Variants in TENM3 observed in about 807,000 individuals in gnomAD.
TENM3 encodes teneurin transmembrane protein 3.
In TENM3, 63 loss-of-function variants were observed where a neutral mutation model predicts 255.1. The observed-to-expected ratio is 0.25, with a 90% CI of 0.20 to 0.30. TENM3 has a LOEUF of 0.30. Among genes scored for constraint, TENM3 ranks in the 10% least tolerant of loss-of-function variants. The pLI, the probability that TENM3 is intolerant of heterozygous loss-of-function variation, is 1.00. For missense variants in TENM3, 2,929 were observed against 3,461.1 expected (o/e 0.85, Z 3.86); for synonymous variants, 1,306 against 1,322.3 (o/e 0.99, Z 0.27).
intron 3 of TENM3, among the ~76,000 whole-genome samples, chr4:182,352,977 G>C (rs766485329): frequency 3.3e-5 from 5 of 152,160 alleles, no homozygotes; most frequent in Admixed American, 6.5e-5. Flanking sequence ...AGACGGACTT[G>C]TAGCTCTTCC....
chr4:182,194,873 G>A (rs976904573), intron 1 of TENM3, among the ~76,000 whole-genome samples: 1 of 152,150 alleles, frequency 6.6e-6, no homozygotes. Flanking sequence ...GACCTTTAAA[G>A]GTTAGACTGG....
chr4:181,807,291 T>C, the TENM3 span, among the ~76,000 whole-genome samples: 5 of 152,212 alleles, frequency 3.3e-5, no homozygotes, highest in African/African-American at 1.2e-4. Flanking sequence ...AAACAAAAAT[T>C]AAAAAGAAAT....
At chr4:181,757,230 T>C in the TENM3 span, among the ~76,000 whole-genome samples, 7 of 152,310 alleles carry the variant, frequency 4.6e-5, no homozygotes, top group South Asian at 1.4e-3. Flanking sequence ...TAGCAGTAAA[T>C]GCCTTCACCA....
At chr4:182,372,574 T>C (rs957598068) in intron 3 of TENM3, among the ~76,000 whole-genome samples, 1 of 152,164 alleles carries the variant, frequency 6.6e-6, no homozygotes, top group Non-Finnish European at 1.5e-5. Context: ...GAGCTCAAGT[T>C]ATAAGAGTAA....
the TENM3 span, among the ~76,000 whole-genome samples, chr4:181,570,296 C>T: frequency 0.023 from 3,510 of 152,066 alleles, 151 homozygotes; most frequent in African/African-American, 0.08. Flanking sequence ...CCACCCGCCT[C>T]GGCCTCCCAA....
chr4:181,508,901 T>A, the TENM3 span, among the ~76,000 whole-genome samples: 1 of 144,732 alleles, frequency 6.9e-6, no homozygotes, highest in Non-Finnish European at 1.5e-5. Flanking sequence ...ACTTTTTTTT[T>A]TTTTTTTTTT....
At chr4:182,575,112 C>G (rs1341188605) in intron 3 of TENM3, among the ~76,000 whole-genome samples, 1 of 151,910 alleles carries the variant, frequency 6.6e-6, no homozygotes, top group Non-Finnish European at 1.5e-5. Flanking sequence ...AGAAGAAATA[C>G]ACACACACAC....
chr4:182,684,917 GT>G (rs1417799051), intron 11 of TENM3, among the ~76,000 whole-genome samples: 3 of 152,160 alleles, frequency 2.0e-5, no homozygotes, highest in Non-Finnish European at 4.4e-5. Flanking sequence ...AAAAAGGCTA[GT>G]AATTTTTACA....
intron 1 of TENM3, among the ~76,000 whole-genome samples, chr4:182,150,572 CTTGCT>C (rs999379943): frequency 2.0e-5 from 3 of 150,930 alleles, no homozygotes; most frequent in Admixed American, 2.0e-4. Flanking sequence ...TATAGGCATG[CTTGCT>C]TTGTTTATAA....
At chr4:182,035,091 G>A in the TENM3 span, among the ~76,000 whole-genome samples, 1 of 152,012 alleles carries the variant, frequency 6.6e-6, no homozygotes, top group Non-Finnish European at 1.5e-5. Context: ...TTTTCCAAAT[G>A]CATCTTTTAA....
intron 13 of TENM3, among the ~76,000 whole-genome samples, chr4:182,724,550 A>T (rs1760013730): frequency 6.6e-6 from 1 of 152,242 alleles, no homozygotes; most frequent in East Asian, 1.9e-4. Flanking sequence ...GCTTGTAAAA[A>T]TGCATTTCCA....
chr4:181,709,757 A>T, the TENM3 span, among the ~76,000 whole-genome samples: 2 of 152,232 alleles, frequency 1.3e-5, no homozygotes, highest in East Asian at 3.9e-4. Flanking sequence ...GAGTCGAGAC[A>T]TTAGCGCAGA....
chr4:181,657,506 G>T, the TENM3 span, among the ~76,000 whole-genome samples: 2 of 152,136 alleles, frequency 1.3e-5, no homozygotes, highest in Non-Finnish European at 2.9e-5. Flanking sequence ...ATTATTAAAA[G>T]TCAGAAAATA....
intron 3 of TENM3, among the ~76,000 whole-genome samples, chr4:182,523,783 A>G (rs892983892): frequency 6.6e-5 from 10 of 151,998 alleles, no homozygotes; most frequent in Admixed American, 4.6e-4. Flanking sequence ...TGGAAGGGGC[A>G]AGATTTGAGT....
chr4:181,760,583 C>T, the TENM3 span, among the ~76,000 whole-genome samples: 6 of 152,132 alleles, frequency 3.9e-5, no homozygotes, highest in African/African-American at 1.4e-4. Context: ...GACCTAAAAA[C>T]TTCAATCAGT....
chr4:181,458,329 A>G, the TENM3 span, among the ~76,000 whole-genome samples: 1 of 151,954 alleles, frequency 6.6e-6, no homozygotes, highest in Non-Finnish European at 1.5e-5. Context: ...AGAACAGTGA[A>G]TCAGTGTAGA....
chr4:182,555,305 A>G (rs751275417), intron 3 of TENM3, among the ~76,000 whole-genome samples: 2 of 152,156 alleles, frequency 1.3e-5, no homozygotes, highest in Non-Finnish European at 1.5e-5. Context: ...AAATCAAGAA[A>G]TATAGTTTGA....
At chr4:182,474,040 C>T (rs921879972) in intron 3 of TENM3, among the ~76,000 whole-genome samples, 2 of 152,094 alleles carry the variant, frequency 1.3e-5, no homozygotes, top group African/African-American at 2.4e-5. Flanking sequence ...TATAATTGTT[C>T]GTGGCTCTTT....
the TENM3 span, among the ~76,000 whole-genome samples, chr4:181,586,713 T>A: frequency 5.7e-3 from 861 of 152,002 alleles, 12 homozygotes; most frequent in African/African-American, 0.02. Context: ...GGTGGCACAC[T>A]CTTGTGGTCC....
Sources: allele counts gnomAD v4.1 joint callset (sites outside exome capture counted in the v4.1 genomes callset), GRCh38; gene constraint gnomAD v4.1.1; transcripts MANE v1.5; gene names NCBI Gene and HGNC (gene_info 2026-07-23, HGNC 2026-07-21).